Variants in SAT1 observed in about 807,000 individuals in gnomAD.
The protein encoded by SAT1 is spermidine/spermine N1-acetyltransferase 1, also known as diamine acetyltransferase 1.
In SAT1, 1 loss-of-function variant was observed where a neutral mutation model predicts 14.7. The observed-to-expected ratio is 0.07, with a 90% CI of 0.02 to 0.32. SAT1 has a LOEUF of 0.32. Among genes scored for constraint, SAT1 ranks in the 10% least tolerant of loss-of-function variants. SAT1 has a pLI of 1.00. For synonymous variants in SAT1, 67 were observed against 46.1 expected (o/e 1.45, Z -1.84); for missense variants, 77 against 129.1 (o/e 0.60, Z 1.96).
Position 23,783,244 on chromosome X carries a change from G to A in SAT1, c.-108G>A, listed in dbSNP as rs757975430. 4.0e-6 allele frequency: 3 copies of A among 743,941 alleles called. No individual in the cohort carries two copies. The highest frequency in any genetic ancestry group is 2.2e-5 in the South Asian group (1 of 44,998). 61.3% of individuals were successfully genotyped at this position (743,941 alleles called of 1,213,427 possible). A position where few individuals can be genotyped will look rare whatever the true frequency, so the allele number is the denominator to read the frequency against. Reference sequence around the variant, plus strand: ...CGAGGTTCCTTGGGTCATGGTGCCAGCCTGACTGAGAAGAGGACGCTCCCG... The same window carrying A: ...CGAGGTTCCTTGGGTCATGGTGCCAACCTGACTGAGAAGAGGACGCTCCCG... On this transcript the variant is annotated 5_prime_UTR_variant, in exon 1 of 6. Transcript: ENST00000379270.
rs113693085 is a variant in SAT1, at chrX:23,785,443, C to T, written c.304+14C>T. The T allele has an allele frequency of 8.4e-4, 981 of 1,164,436 alleles. 5 individuals are homozygous for T. The African/African-American group carries it at 0.014, about 17-fold the overall frequency. On this transcript the variant is annotated intron_variant, in intron 4 of 5. Coordinates refer to ENST00000379270, the MANE Select transcript of SAT1 (RefSeq NM_002970.4). ...GTGATTATAGAGGTACGATTGAGTT[C>T]GGAGCAGAGGGTCTGAAGAGAGTTC...
chrX:23,785,097 C>A (rs1922668313), intron 3 of SAT1: 2 of 412,944 alleles, frequency 4.8e-6, no homozygotes, highest in African/African-American at 5.0e-5. Flanking sequence ...AGCCTGACTT[C>A]AGTGAGTTCT....
Position 23,783,177 on chromosome X carries a change from A to C in SAT1, c.-175A>C, listed in dbSNP as rs1295082832. On this transcript the variant is annotated 5_prime_UTR_variant, in exon 1 of 6. Coordinates refer to ENST00000379270, the MANE Select transcript of SAT1 (RefSeq NM_002970.4). ...GAGCCGGGCCAATGTTCAAATGCGC[A>C]GCTCTTAGTCGCGGGCCGACTGGTG... The C allele has an allele frequency of 3.2e-5, 15 of 464,191 alleles. No individual in the cohort carries two copies. Among genetic ancestry groups the C allele is most frequent in the Non-Finnish European group, 5.4e-5 (14 of 258,193 alleles). 38.3% of individuals were successfully genotyped at this position (464,191 alleles called of 1,213,427 possible).
Position 23,785,968 on chromosome X carries a change from C to A in SAT1, c.*112C>A. 2 of 656,828 alleles carry A rather than the reference C, an allele frequency of 3.0e-6. No homozygotes were observed. The highest frequency in any genetic ancestry group is 4.4e-6 in the Non-Finnish European group (2 of 457,615). The allele number at this position is 656,828 out of a possible 1,213,427, so 54.1% of individuals were successfully genotyped here. On this transcript the variant is annotated 3_prime_UTR_variant, in exon 6 of 6. Coordinates refer to ENST00000379270, the MANE Select transcript of SAT1 (RefSeq NM_002970.4). ...AATAGAATGAGCACCCATTCCAAAG[C>A]TTTATTACCAGTGGCGTTGTTGCAT...
At position 23,785,671 on chromosome X, in the gene SAT1, ACT is replaced by A. The variant is rs1025909923; in HGVS notation, c.346-9_346-8del. On this transcript the variant is annotated splice_polypyrimidine_tract_variant and intron_variant, in intron 5 of 5. Transcript: ENST00000379270. ...TGAAATGTCACTGAGTGTGTGTTTT[ACT>A]CTCTCATAATAGGTTGCAATGAGGT... is the stretch of plus-strand genomic sequence containing the variant. The A allele has an allele frequency of 1.3e-5, 16 of 1,201,465 alleles. No individual in the cohort carries two copies. Among genetic ancestry groups the A allele is most frequent in the African/African-American group, 1.2e-4 (7 of 56,800 alleles).
At chrX:23,785,143 A>C (rs1659190778) in intron 3 of SAT1, 185 bp from the exon 4 acceptor site, 1 of 451,799 alleles carries the variant, frequency 2.2e-6, no homozygotes, top group African/African-American at 2.4e-5. Flanking sequence ...TTCTCAGAAC[A>C]GTGAGATCAT....
intron 3 of SAT1, 88 bp from the exon 4 acceptor site, chrX:23,785,240 A>G: frequency 1.5e-6 from 1 of 688,105 alleles, no homozygotes; most frequent in Non-Finnish European, 2.3e-6. Context: ...TGTGTTTTTT[A>G]AAACCTATGA....
rs757975430 is a variant in SAT1, at chrX:23,783,244, G to T, written c.-108G>T. ...CGAGGTTCCTTGGGTCATGGTGCCA[G>T]CCTGACTGAGAAGAGGACGCTCCCG... On this transcript the variant is annotated 5_prime_UTR_variant, in exon 1 of 6. Transcript: ENST00000379270. 5.0e-5 allele frequency: 37 copies of T among 743,994 alleles called. No homozygotes were observed. The South Asian group carries it at 6.9e-4, about 14-fold the overall frequency. The allele number at this position is 743,994 out of a possible 1,213,427, so 61.3% of individuals were successfully genotyped here.
chrX:23,783,578 C>CCCAAAACCAA, intron 1 of SAT1, 80 bp from the exon 2 acceptor site: 1 of 761,156 alleles, frequency 1.3e-6, no homozygotes, highest in Non-Finnish European at 1.9e-6. Flanking sequence ...CCCGCCCGCC[C>CCCAAAACCAA]CATTCCGTTC....
intron 3 of SAT1, 148 bp from the exon 4 acceptor site, chrX:23,785,180 A>G (rs987242039): frequency 6.1e-6 from 3 of 492,940 alleles, no homozygotes; most frequent in Non-Finnish European, 1.1e-5. Flanking sequence ...CTGCACTCAC[A>G]TAAAAATCAT....
At position 23,785,706 on chromosome X, in the gene SAT1, C is replaced by T; in HGVS notation, c.366C>T (p.Cys122=). ...AATAGGTTGCAATGAGGTGTCGCTG[C>T]AGCAGCATGCACTTCTTGGTAGCAG... ...NLSQVAMRCR[C]SSMHFLVAEW... Residue 122 remains cysteine (C), a synonymous_variant, in exon 6 of 6, where the codon TGC becomes TGT. Coordinates refer to ENST00000379270, the MANE Select transcript of SAT1 (RefSeq NM_002970.4). 1.7e-6 allele frequency: 2 copies of T among 1,208,334 alleles called. No individual in the cohort carries two copies. Among genetic ancestry groups the T allele is most frequent in the Non-Finnish European group, 2.2e-6 (2 of 893,553 alleles).
chrX:23,783,788 C>T lies in SAT1; in HGVS notation c.119-12C>T. On this transcript the variant is annotated splice_polypyrimidine_tract_variant and intron_variant, in intron 2 of 5. Coordinates refer to ENST00000379270, the MANE Select transcript of SAT1 (RefSeq NM_002970.4). ...CCAAGGCCATTACCGCCCCTGCTCC[C>T]CCTTCTTGCAGATCTGCTAGAAGAT... 1.7e-6 allele frequency: 2 copies of T among 1,211,371 alleles called. No homozygotes were observed. The highest frequency in any genetic ancestry group is 2.2e-6 in the Non-Finnish European group (2 of 894,997).
At chrX:23,785,109 A>G (rs957685145) in intron 3 of SAT1, 7 of 431,314 alleles carry the variant, frequency 1.6e-5, no homozygotes, top group Non-Finnish European at 2.8e-5. Flanking sequence ...GTGAGTTCTG[A>G]TGTGTGCTTT....
At chrX:23,784,064 A>G (rs1922620847) in intron 3 of SAT1, 181 bp downstream of exon 3, 7 of 1,115,271 alleles carry the variant, frequency 6.3e-6, no homozygotes, top group Non-Finnish European at 8.2e-6. Flanking sequence ...ACTTAAGAAT[A>G]CTAGGGCAGG....
chrX:23,784,068 G>A (rs1256942749), intron 3 of SAT1, 185 bp downstream of exon 3: 4 of 1,111,520 alleles, frequency 3.6e-6, no homozygotes, highest in South Asian at 4.6e-5. Flanking sequence ...AAGAATACTA[G>A]GGCAGGTTAA....
In SAT1 at chrX:23,783,239, T is replaced by C. The variant is rs1310357756; in HGVS notation, c.-113T>C. ...CTCGCCGAGGTTCCTTGGGTCATGG[T>C]GCCAGCCTGACTGAGAAGAGGACGC... On this transcript the variant is annotated 5_prime_UTR_variant, in exon 1 of 6. Transcript: ENST00000379270. 1 of 702,975 alleles carries C rather than the reference T, an allele frequency of 1.4e-6. No homozygotes were observed. The highest frequency in any genetic ancestry group is 2.2e-6 in the Non-Finnish European group (1 of 446,947). 57.9% of individuals were successfully genotyped at this position (702,975 alleles called of 1,213,427 possible).
At chrX:23,783,579 C>CCAAAA in intron 1 of SAT1, 79 bp from the exon 2 acceptor site, 1 of 770,315 alleles carries the variant, frequency 1.3e-6, no homozygotes. Flanking sequence ...CCGCCCGCCC[C>CCAAAA]ATTCCGTTCC....
intron 1 of SAT1, 80 bp from the exon 2 acceptor site, chrX:23,783,578 C>CCCAAAACCAACCCCCAG: frequency 1.3e-6 from 1 of 761,165 alleles, no homozygotes; most frequent in Non-Finnish European, 1.9e-6. Context: ...CCCGCCCGCC[C>CCCAAAACCAACCCCCAG]CATTCCGTTC....
In SAT1 at chrX:23,783,780, C is replaced by T. The variant is rs368684242; in HGVS notation, c.119-20C>T. 13 of 1,209,772 alleles carry T rather than the reference C, an allele frequency of 1.1e-5. No individual in the cohort carries two copies. In the African/African-American group the frequency reaches 1.6e-4, roughly 15 times the overall value. On this transcript the variant is annotated intron_variant, in intron 2 of 5. Coordinates refer to ENST00000379270, the MANE Select transcript of SAT1 (RefSeq NM_002970.4). ...CACCTTCGCCAAGGCCATTACCGCC[C>T]CTGCTCCCCCTTCTTGCAGATCTGC...
Sources: allele counts gnomAD v4.1 joint callset, GRCh38; gene constraint gnomAD v4.1.1; transcripts MANE v1.5; gene names NCBI Gene and HGNC (gene_info 2026-07-23, HGNC 2026-07-21).